The following NAT1 variants were observed in gnomAD, a reference collection of about 807,000 sequenced individuals.
The protein encoded by NAT1 is N-acetyltransferase 1, also known as arylamine N-acetyltransferase 1.
For missense variants in NAT1, 400 were observed against 339.2 expected, an observed-to-expected ratio of 1.18 and a Z score of -1.41; for synonymous variants, 144 against 122.6, an observed-to-expected ratio of 1.17 and a Z score of -1.16.
At chr8:18,172,029 T>A (rs1305645407) in intron 2 of NAT1, among the ~76,000 whole-genome samples, 1 of 152,230 alleles carries the variant, frequency 6.6e-6, no homozygotes, top group Non-Finnish European at 1.5e-5. Flanking sequence ...TTTTGTCTTC[T>A]AAGCATCATT....
intron 2 of NAT1, among the ~76,000 whole-genome samples, chr8:18,194,694 C>A (rs563482632): frequency 1.7e-3 from 262 of 152,124 alleles, no homozygotes; most frequent in Non-Finnish European, 3.1e-3. Context: ...GTGGCAGGTA[C>A]CTGCAATCCC....
chr8:18,185,231 A>G (rs1489857091), intron 2 of NAT1, among the ~76,000 whole-genome samples: 1 of 152,086 alleles, frequency 6.6e-6, no homozygotes, highest in Non-Finnish European at 1.5e-5. Flanking sequence ...AAGTTTATAA[A>G]AGTTTTGTAA....
In NAT1 at chr8:18,181,191, AT is replaced by A. The variant is rs1802500664; in HGVS notation, n.92+10456del. On this transcript the variant is annotated intron_variant and non_coding_transcript_variant, in intron 2 of 4. Coordinates refer to the NAT1 transcript ENST00000517441. ...TCAGTTTCCTTCATCAATGTTTTAT[AT>A]TTTCCTTGTGGAGATTTTTCATTTC... 2.6e-5 allele frequency among the ~76,000 whole-genome samples: 4 copies of A among 152,068 alleles called. No homozygotes were observed. In the South Asian group the frequency reaches 8.3e-4, roughly 32 times the overall value.
intron 2 of NAT1, among the ~76,000 whole-genome samples, chr8:18,181,335 A>T (rs967615669): frequency 6.6e-6 from 1 of 152,168 alleles, no homozygotes; most frequent in African/African-American, 2.4e-5. Context: ...TACAGATTCA[A>T]CGCAATCCCT....
intron 2 of NAT1, among the ~76,000 whole-genome samples, chr8:18,197,400 C>T (rs1803279505): frequency 6.6e-6 from 1 of 152,166 alleles, no homozygotes; most frequent in African/African-American, 2.4e-5. Context: ...TTCTGTGATC[C>T]TCAACCAGGA....
chr8:18,200,563 T>C (rs548431626), intron 2 of NAT1, among the ~76,000 whole-genome samples: 93 of 152,206 alleles, frequency 6.1e-4, no homozygotes, highest in African/African-American at 2.1e-3. Context: ...ATGGTAAGGA[T>C]TGAAAAACTA....
upstream of NAT1, among the ~76,000 whole-genome samples, chr8:18,209,132 A>T (rs1229942717): frequency 6.6e-6 from 1 of 152,186 alleles, no homozygotes; most frequent in Non-Finnish European, 1.5e-5. Flanking sequence ...CAGCACAAAG[A>T]TATGTGGCCT....
intron 2 of NAT1, among the ~76,000 whole-genome samples, chr8:18,175,928 G>T (rs565366690): frequency 2.0e-5 from 3 of 152,104 alleles, no homozygotes; most frequent in African/African-American, 7.2e-5. Flanking sequence ...ATATCTCATT[G>T]TGTTTTAAAT....
intron 2 of NAT1, among the ~76,000 whole-genome samples, chr8:18,193,120 C>G (rs1352686216): frequency 7.9e-6 from 1 of 126,660 alleles, no homozygotes; most frequent in Admixed American, 9.2e-5. Context: ...AGTCTGTTGC[C>G]CAGGTTGGAG....
At chr8:18,219,369 G>A in intron 1 of NAT1, 42 bp from the exon 2 acceptor site, 1 of 1,319,122 alleles carries the variant, frequency 7.6e-7, no homozygotes, top group Non-Finnish European at 1.0e-6. Flanking sequence ...TTTCAAGGAA[G>A]TCATGTTATA....
At chr8:18,220,879 C>T (rs1224479467) in intron 2 of NAT1, among the ~76,000 whole-genome samples, 1 of 152,156 alleles carries the variant, frequency 6.6e-6, no homozygotes, top group African/African-American at 2.4e-5. Context: ...AAGCACTGGT[C>T]CTAGAGCATA....
intron 1 of NAT1, among the ~76,000 whole-genome samples, chr8:18,214,208 A>G (rs530655674): frequency 6.6e-6 from 1 of 152,240 alleles, no homozygotes; most frequent in Non-Finnish European, 1.5e-5. Context: ...TATTGGAAGG[A>G]GTCAGTGTTC....
intron 2 of NAT1, among the ~76,000 whole-genome samples, chr8:18,189,222 G>A (rs890765041): frequency 1.3e-5 from 2 of 151,976 alleles, no homozygotes; most frequent in African/African-American, 4.8e-5. Flanking sequence ...AAAAACACAT[G>A]TTTTATGGCA....
rs536505602 is a variant in NAT1, at chr8:18,171,419, A to G, written n.92+680A>G. Among the ~76,000 whole-genome samples, 149 of 152,288 alleles carry G rather than the reference A, an allele frequency of 9.8e-4. 1 individual carries two copies. The highest frequency in any genetic ancestry group is 3.4e-3 in the African/African-American group (142 of 41,576). On this transcript the variant is annotated intron_variant and non_coding_transcript_variant, in intron 2 of 4. Transcript: ENST00000517441. ...ATTTCTTTGCAAAAGGCAAACAAAA[A>G]GCTTAAGCAACAGACTAAGGACATG... is the stretch of plus-strand genomic sequence containing the variant.
At chr8:18,206,821 AATT>A (rs1803746680), upstream of NAT1, among the ~76,000 whole-genome samples, 1 of 152,100 alleles carries the variant, frequency 6.6e-6, no homozygotes, top group Admixed American at 6.6e-5. Flanking sequence ...AGAAATTATA[AATT>A]ACTTTGGGCA....
upstream of NAT1, chr8:18,209,772 C>T (rs1258107345): frequency 6.6e-6 from 1 of 152,140 alleles, no homozygotes; most frequent in Non-Finnish European, 1.5e-5. Context: ...CCTCTTTTGC[C>T]TCCTCTAGGT....
chr8:18,200,502 T>A lies in NAT1; in HGVS notation n.93-9279T>A, dbSNP rs1416993959. ...TAAACATTGAGTACACATGGACACA[T>A]AAAAGGGAACAACAGACACCGGGAT... On this transcript the variant is annotated intron_variant and non_coding_transcript_variant, in intron 2 of 4. Coordinates refer to the NAT1 transcript ENST00000517441. 2.0e-5 allele frequency among the ~76,000 whole-genome samples: 3 copies of A among 151,930 alleles called. No individual in the cohort carries two copies. The East Asian group carries it at 5.8e-4, about 29-fold the overall frequency.
Position 18,222,205 on chromosome 8 carries a change from A to G in NAT1, c.158A>G (p.Glu53Gly), listed in dbSNP as rs1563197469. 6.2e-7 allele frequency: 1 copy of G among 1,614,114 alleles called. No homozygotes were observed. Among genetic ancestry groups the G allele is most frequent in the Non-Finnish European group, 8.5e-7 (1 of 1,180,004 alleles). ...HCGDAMDLGLEAIFDQVVRRN... is the reference protein window; with the variant it reads ...HCGDAMDLGLGAIFDQVVRRN... ...GGGGATGCCATGGACTTAGGCTTAG[A>G]GGCCATTTTTGATCAAGTTGTGAGA... The change falls in exon 3 of 3, where the codon GAG (glutamate) becomes GGG (glycine). Residue 53 changes from glutamate to glycine, a missense_variant. Glu to Gly is a moderately conservative substitution (Grantham distance 98). Coordinates refer to ENST00000307719, the MANE Select transcript of NAT1 (RefSeq NM_000662.8).
In NAT1 at chr8:18,182,083, G is replaced by A. The variant is rs1802546117; in HGVS notation, n.92+11344G>A. Among the ~76,000 whole-genome samples the A allele has an allele frequency of 2.0e-5, 3 of 152,094 alleles. No individual in the cohort carries two copies. The South Asian group carries it at 6.2e-4, about 32-fold the overall frequency. ...CCTGGCATTGAGGAGAGGTGGTTTTGGCAATGAGTGATTATCCTTCTTACC... is the reference window on the plus strand; with the variant it reads ...CCTGGCATTGAGGAGAGGTGGTTTTAGCAATGAGTGATTATCCTTCTTACC... On this transcript the variant is annotated intron_variant and non_coding_transcript_variant, in intron 2 of 4. Coordinates refer to the NAT1 transcript ENST00000517441.
Sources: gnomAD v4.1 joint callset for allele counts (sites outside exome capture counted in the v4.1 genomes callset) on GRCh38, gnomAD v4.1.1 for gene constraint, MANE v1.5 for transcripts, NCBI Gene and HGNC (gene_info 2026-07-23, HGNC 2026-07-21) for gene names.